NCAM2: variants seen among roughly 807,000 people sequenced by gnomAD.
NCAM2 encodes the protein neural cell adhesion molecule 2, also known as N-CAM-2.
NCAM2 carries 30 observed loss-of-function variants against 98.1 expected under a neutral mutation model. The ratio of observed to expected loss-of-function variants is 0.31; its 90% CI spans 0.23 to 0.41. The LOEUF is 0.41. Among genes scored for constraint, NCAM2 ranks in the 10% least tolerant of loss-of-function variants. The probability of loss-of-function intolerance (pLI) is 1.00; values close to 1 mark genes in which losing one functional copy is unlikely to be tolerated. For synonymous variants in NCAM2, 368 were observed against 342.4 expected (o/e 1.07, Z -0.83); for missense variants, 867 against 1,005.8 (o/e 0.86, Z 1.87).
intron 8 of NCAM2, among the ~76,000 whole-genome samples, chr21:21,355,446 T>C (rs1602084713): frequency 9.4e-6 from 1 of 106,834 alleles, no homozygotes; most frequent in Non-Finnish European, 1.7e-5. Flanking sequence ...TGAGTGACAG[T>C]GACAGACTGA....
chr21:21,156,613 T>TAGAC (rs1355097708), intron 1 of NCAM2, among the ~76,000 whole-genome samples: 8 of 152,062 alleles, frequency 5.3e-5, no homozygotes, highest in African/African-American at 1.9e-4. Flanking sequence ...GATAGATAGA[T>TAGAC]AGATAATTGT....
intron 12 of NCAM2, among the ~76,000 whole-genome samples, chr21:21,455,108 T>A (rs1294579464): frequency 3.3e-5 from 5 of 151,086 alleles, no homozygotes; most frequent in African/African-American, 1.2e-4. Flanking sequence ...TGTTTTTACG[T>A]CTACCATTAT....
chr21:21,209,049 AT>A (rs1395079541), intron 1 of NCAM2, among the ~76,000 whole-genome samples: 2 of 152,042 alleles, frequency 1.3e-5, no homozygotes, highest in African/African-American at 4.8e-5. Context: ...AATCTGTGAA[AT>A]ATATTGATTT....
At chr21:21,101,619 A>G (rs1414336818) in intron 1 of NCAM2, among the ~76,000 whole-genome samples, 2 of 152,088 alleles carry the variant, frequency 1.3e-5, no homozygotes, top group African/African-American at 4.8e-5. Flanking sequence ...ACAGATAAAA[A>G]CAGCAAGTTT....
chr21:21,037,387 T>A (rs1252735404), intron 1 of NCAM2, among the ~76,000 whole-genome samples: 1 of 152,222 alleles, frequency 6.6e-6, no homozygotes, highest in Non-Finnish European at 1.5e-5. Flanking sequence ...TTATGTTATA[T>A]GTTGTTATTC....
intron 12 of NCAM2, among the ~76,000 whole-genome samples, chr21:21,455,328 C>A (rs1479280675): frequency 1.3e-5 from 2 of 151,308 alleles, no homozygotes; most frequent in Non-Finnish European, 3.0e-5. Context: ...ACATTTATAC[C>A]TACAATTATT....
chr21:21,152,550 G>T (rs549475266), intron 1 of NCAM2, among the ~76,000 whole-genome samples: 8 of 152,006 alleles, frequency 5.3e-5, no homozygotes, highest in African/African-American at 1.7e-4. Flanking sequence ...ACATTTCAGG[G>T]TTAAGATGAT....
In NCAM2 at chr21:21,338,524, A is replaced by T. The variant is rs1568951391; in HGVS notation, c.1034A>T (p.Glu345Val). 1 of 1,607,482 alleles carries T rather than the reference A, an allele frequency of 6.2e-7. No individual in the cohort carries two copies. The highest frequency in any genetic ancestry group is 1.3e-5 in the African/African-American group (1 of 74,494). Reference protein sequence around the residue: ...KRAVDGFTFTEGDKSLDGRIE... With the variant: ...KRAVDGFTFTVGDKSLDGRIE... ...GCTGTGGATGGCTTCACGTTCACTG[A>T]AGGCGATAAGGTAACCACATCTCAA... The change falls in exon 8 of 18, where the codon GAA (glutamate) becomes GTA (valine). Residue 345 changes from glutamate to valine, a missense_variant. Physicochemically the swap from Glu to Val is moderately radical, Grantham distance 121. Around this residue, in one of 5 missense-constraint regions of NCAM2, gnomAD observed 447 missense variants for 495.7 expected, o/e 0.90. Coordinates refer to ENST00000400546, the MANE Select transcript of NCAM2 (RefSeq NM_004540.5).
intron 16 of NCAM2, among the ~76,000 whole-genome samples, chr21:21,523,775 TAAAG>T (rs1989162604): frequency 1.3e-5 from 2 of 151,782 alleles, no homozygotes; most frequent in African/African-American, 2.4e-5. Context: ...ATAAACAAGT[TAAAG>T]AAAGATAACT....
At chr21:21,380,975 T>TA (rs2076141739) in intron 9 of NCAM2, among the ~76,000 whole-genome samples, 1 of 152,190 alleles carries the variant, frequency 6.6e-6, no homozygotes. Flanking sequence ...CTAGCCCTCT[T>TA]ATGCTTTTTG....
In NCAM2 at chr21:21,044,581, A is replaced by T. The variant is rs979052513; in HGVS notation, c.55+45963A>T. On this transcript the variant is annotated intron_variant, in intron 1 of 17. Transcript: ENST00000400546. ...ACAATTAAGATTTTTAGATATATTA[A>T]AACCAAATAAAAATGATTCATTTTT... 2.6e-5 allele frequency among the ~76,000 whole-genome samples: 4 copies of T among 152,222 alleles called. No individual in the cohort carries two copies. The South Asian group carries it at 8.3e-4, about 32-fold the overall frequency.
At chr21:21,377,215 A>G (rs1251009425) in intron 9 of NCAM2, among the ~76,000 whole-genome samples, 1 of 151,780 alleles carries the variant, frequency 6.6e-6, no homozygotes, top group African/African-American at 2.4e-5. Flanking sequence ...AAGCCCATAT[A>G]TAATGTAAAA....
intron 8 of NCAM2, among the ~76,000 whole-genome samples, chr21:21,356,109 A>G (rs1269783299): frequency 6.6e-6 from 1 of 152,234 alleles, no homozygotes; most frequent in Non-Finnish European, 1.5e-5. Context: ...GTACCAATTC[A>G]AAAGGAATTT....
At chr21:21,433,635 C>A (rs998900530) in intron 12 of NCAM2, among the ~76,000 whole-genome samples, 11 of 151,244 alleles carry the variant, frequency 7.3e-5, no homozygotes, top group African/African-American at 2.7e-4. Flanking sequence ...CCCAGCTACT[C>A]GGGAGGCTGA....
chr21:21,486,506 T>G (rs2146295443), intron 15 of NCAM2, among the ~76,000 whole-genome samples: 1 of 152,260 alleles, frequency 6.6e-6, no homozygotes, highest in South Asian at 2.1e-4. Context: ...CTGAAGAGTT[T>G]ATATTGGTTA....
intron 1 of NCAM2, among the ~76,000 whole-genome samples, chr21:21,124,897 T>C (rs184655867): frequency 2.0e-5 from 3 of 152,252 alleles, no homozygotes; most frequent in African/African-American, 4.8e-5. Flanking sequence ...GATTGTATCA[T>C]TTTAGAAAAA....
At chr21:21,119,981 A>G (rs1268369827) in intron 1 of NCAM2, among the ~76,000 whole-genome samples, 1 of 152,156 alleles carries the variant, frequency 6.6e-6, no homozygotes. Context: ...ATTGGTCCCT[A>G]AGCACTGATA....
intron 1 of NCAM2, among the ~76,000 whole-genome samples, chr21:21,035,941 A>G (rs1288445637): frequency 2.6e-5 from 4 of 152,200 alleles, no homozygotes; most frequent in Non-Finnish European, 5.9e-5. Context: ...TGGAGCACAT[A>G]CTAATAACCT....
intron 1 of NCAM2, among the ~76,000 whole-genome samples, chr21:21,128,371 G>A (rs1380830393): frequency 3.9e-5 from 6 of 152,036 alleles, no homozygotes; most frequent in Non-Finnish European, 5.9e-5. Flanking sequence ...ATGTCACCTT[G>A]ACTTTCAACT....
Sources: allele counts gnomAD v4.1 joint callset (sites outside exome capture counted in the v4.1 genomes callset), GRCh38; gene constraint gnomAD v4.1.1; regional missense constraint gnomAD v4.1.1; transcripts MANE v1.5; gene names NCBI Gene and HGNC (gene_info 2026-07-23, HGNC 2026-07-21).